Variants in CABLES1 observed in about 807,000 individuals in gnomAD.
CABLES1 encodes the protein Cdk5 and Abl enzyme substrate 1, also known as CDK5 and ABL1 enzyme substrate 1.
CABLES1 carries 36 observed loss-of-function variants against 57.8 expected under a neutral mutation model. That is an observed-to-expected ratio of 0.62 (90% CI 0.48 to 0.82). CABLES1 has a LOEUF of 0.82. CABLES1 is among the 40% of genes least tolerant of loss of function. The probability of loss-of-function intolerance (pLI) is 0.00; values close to 1 mark genes in which losing one functional copy is unlikely to be tolerated. For synonymous variants in CABLES1, 374 were observed against 363.0 expected, an observed-to-expected ratio of 1.03 and a Z score of -0.35; for missense variants, 767 against 836.6, an observed-to-expected ratio of 0.92 and a Z score of 1.03.
Position 23,259,984 on chromosome 18 carries a change from T to TC in CABLES1, c.*2622dup, listed in dbSNP as rs5823380. On this transcript the variant is annotated 3_prime_UTR_variant, in exon 10 of 10. Coordinates refer to ENST00000256925, the MANE Select transcript of CABLES1 (RefSeq NM_001100619.3). Reference sequence around the variant, plus strand: ...CTAGCCGGTTCTGCCTGATTCCTTTTCCCCCGGAGCCAGCCTAGGGGGCCC... The same window carrying TC: ...CTAGCCGGTTCTGCCTGATTCCTTTTCCCCCCGGAGCCAGCCTAGGGGGCCC... 2.6e-5 allele frequency: 4 copies of TC among 151,704 alleles called. No individual in the cohort carries two copies. The highest frequency in any genetic ancestry group is 2.0e-4 in the East Asian group (1 of 5,124). 9.4% of individuals were successfully genotyped at this position (151,704 alleles called of 1,614,324 possible). A position where few individuals can be genotyped will look rare whatever the true frequency, so the allele number is the denominator to read the frequency against.
intron 1 of CABLES1, among the ~76,000 whole-genome samples, chr18:23,137,431 G>T (rs967448057): frequency 6.6e-6 from 1 of 152,198 alleles, no homozygotes; most frequent in African/African-American, 2.4e-5. Flanking sequence ...GCTTGCAAAA[G>T]AAGTAGGCGA....
chr18:23,154,321 G>T (rs1028307462), intron 1 of CABLES1, among the ~76,000 whole-genome samples: 1 of 152,122 alleles, frequency 6.6e-6, no homozygotes, highest in Non-Finnish European at 1.5e-5. Flanking sequence ...TAAGGCTGAG[G>T]TGCAGTCTCC....
intron 7 of CABLES1, among the ~76,000 whole-genome samples, chr18:23,246,581 T>C (rs374754980): frequency 0.044 from 6,636 of 150,630 alleles, 262 homozygotes; most frequent in East Asian, 0.096. Context: ...TTAGTAGAGA[T>C]GGGGTTTCAC....
intron 1 of CABLES1, among the ~76,000 whole-genome samples, chr18:23,154,360 C>T (rs967142728): frequency 8.5e-5 from 13 of 152,150 alleles, no homozygotes; most frequent in African/African-American, 3.1e-4. Flanking sequence ...GTCTTTCTCC[C>T]ATTTTATTGG....
chr18:23,137,574 C>T (rs997616206), intron 1 of CABLES1, among the ~76,000 whole-genome samples: 1 of 152,144 alleles, frequency 6.6e-6, no homozygotes, highest in Non-Finnish European at 1.5e-5. Context: ...CTTCTTGGGG[C>T]CTCAGTTATC....
intron 1 of CABLES1, among the ~76,000 whole-genome samples, chr18:23,136,841 C>T (rs4800451): frequency 0.77 from 117,445 of 152,224 alleles, 45,913 homozygotes; most frequent in African/African-American, 0.89. Context: ...AGGAGCACCG[C>T]GCTTGTGCAG....
chr18:23,201,057 A>G (rs987573597), intron 3 of CABLES1, among the ~76,000 whole-genome samples: 11 of 152,252 alleles, frequency 7.2e-5, no homozygotes, highest in African/African-American at 2.7e-4. Context: ...GAGCAGAAGC[A>G]GGAAGGAGCA....
At chr18:23,183,808 A>C (rs750696938) in intron 1 of CABLES1, among the ~76,000 whole-genome samples, 4 of 152,186 alleles carry the variant, frequency 2.6e-5, no homozygotes, top group Non-Finnish European at 4.4e-5. Flanking sequence ...AATGATAAGG[A>C]GTTTGCATAG....
chr18:23,245,346 A>G (rs1253546707), intron 7 of CABLES1, among the ~76,000 whole-genome samples: 2 of 151,980 alleles, frequency 1.3e-5, no homozygotes, highest in African/African-American at 2.4e-5. Flanking sequence ...CATCTCTACC[A>G]AAAAATACAA....
intron 2 of CABLES1, 128 bp from the exon 3 acceptor site, chr18:23,194,320 G>A (rs755407304): frequency 4.9e-5 from 29 of 593,988 alleles, no homozygotes; most frequent in Non-Finnish European, 7.6e-5. Context: ...CATTATCCTC[G>A]CGGACTCCTG....
intron 3 of CABLES1, among the ~76,000 whole-genome samples, chr18:23,198,687 G>A (rs971401673): frequency 1.1e-4 from 17 of 152,230 alleles, no homozygotes; most frequent in African/African-American, 4.1e-4. Context: ...TGGCTTTGCT[G>A]GCTTTGAAGG....
chr18:23,178,173 G>A (rs991918939), intron 1 of CABLES1, among the ~76,000 whole-genome samples: 2 of 151,352 alleles, frequency 1.3e-5, no homozygotes, highest in African/African-American at 2.4e-5. Context: ...AGATCAAAGC[G>A]GTTTATCTCA....
intron 4 of CABLES1, among the ~76,000 whole-genome samples, chr18:23,227,633 G>T (rs553439248): frequency 6.6e-6 from 1 of 152,286 alleles, no homozygotes; most frequent in African/African-American, 2.4e-5. Flanking sequence ...CAGCAAGCAG[G>T]CCTGGTCCAA....
intron 1 of CABLES1, among the ~76,000 whole-genome samples, chr18:23,182,305 T>G (rs2047173063): frequency 6.6e-6 from 1 of 152,182 alleles, no homozygotes; most frequent in Non-Finnish European, 1.5e-5. Flanking sequence ...TGTTGAACCT[T>G]AAAAGTTCCT....
intron 1 of CABLES1, among the ~76,000 whole-genome samples, chr18:23,173,299 G>A (rs1386197222): frequency 3.9e-5 from 6 of 152,160 alleles, no homozygotes; most frequent in Admixed American, 6.6e-5. Context: ...AGACACCTGC[G>A]GGACCTCTGT....
chr18:23,184,477 C>T (rs1568058268), intron 1 of CABLES1, among the ~76,000 whole-genome samples: 1 of 152,090 alleles, frequency 6.6e-6, no homozygotes, highest in African/African-American at 2.4e-5. Flanking sequence ...CCGAGGCAGG[C>T]GGATCACTTG....
At chr18:23,152,363 T>C (rs772556413) in intron 1 of CABLES1, among the ~76,000 whole-genome samples, 5 of 152,176 alleles carry the variant, frequency 3.3e-5, no homozygotes, top group African/African-American at 7.2e-5. Context: ...AGGTAATATA[T>C]CTGTAGGGTC....
chr18:23,159,596 T>C (rs1236673294), intron 1 of CABLES1, among the ~76,000 whole-genome samples: 1 of 152,242 alleles, frequency 6.6e-6, no homozygotes, highest in East Asian at 1.9e-4. Flanking sequence ...CTTCTGTGTC[T>C]GTGTTGATTC....
At chr18:23,151,966 A>G (rs4239436) in intron 1 of CABLES1, among the ~76,000 whole-genome samples, 122,879 of 152,074 alleles carry the variant, frequency 0.81, 50,035 homozygotes, top group African/African-American at 0.88. Context: ...GATGAAAGGC[A>G]CAATGGAGAT....
Sources: gnomAD v4.1 joint callset for allele counts (sites outside exome capture counted in the v4.1 genomes callset) on GRCh38, gnomAD v4.1.1 for gene constraint, MANE v1.5 for transcripts, NCBI Gene and HGNC (gene_info 2026-07-23, HGNC 2026-07-21) for gene names.